Variants in MAN1C1 observed in about 807,000 individuals in gnomAD.
MAN1C1 encodes mannosidase alpha class 1C member 1.
A neutral mutation model predicts 71.5 loss-of-function variants in MAN1C1; 49 were observed. The observed-to-expected ratio is 0.69, with a 90% CI of 0.54 to 0.87. The LOEUF is 0.87. Among genes scored for constraint, MAN1C1 ranks in the 40% least tolerant of loss-of-function variants. The probability of loss-of-function intolerance (pLI) is 0.00; values close to 1 mark genes in which losing one functional copy is unlikely to be tolerated. For synonymous variants in MAN1C1, 352 were observed against 343.7 expected (o/e 1.02, Z -0.27); for missense variants, 743 against 835.0 (o/e 0.89, Z 1.36).
In MAN1C1 at chr1:25,769,223, TC is replaced by T. The variant is rs2047511898; in HGVS notation, c.1142-2430del. Among the ~76,000 whole-genome samples, 1 of 138,456 alleles carries T rather than the reference TC, an allele frequency of 7.2e-6. No homozygotes were observed. 90.8% of individuals were successfully genotyped at this position (138,456 alleles called of 152,430 possible). On this transcript the variant is annotated intron_variant, in intron 7 of 11. Transcript: ENST00000374332. This position sits in a 1 kb window ranked among gnomAD's most constrained non-coding sequence, Gnocchi z 4.8. ...CACACACCCCACACACTACACATAG[TC>T]CCCTCATACACTACACACCACACTC...
intron 1 of MAN1C1, among the ~76,000 whole-genome samples, chr1:25,653,735 C>A (rs2045724772): frequency 6.6e-6 from 1 of 152,176 alleles, no homozygotes; most frequent in South Asian, 2.1e-4. Context: ...TGCTGAGTAG[C>A]CCAGCTCTTC....
At chr1:25,686,233 G>A (rs1482058861) in intron 1 of MAN1C1, among the ~76,000 whole-genome samples, 2 of 152,190 alleles carry the variant, frequency 1.3e-5, no homozygotes, top group Admixed American at 1.3e-4. Flanking sequence ...CTAGACACAT[G>A]GCGTTGTCTA....
intron 2 of MAN1C1, among the ~76,000 whole-genome samples, chr1:25,690,345 T>C (rs911841928): frequency 6.3e-5 from 9 of 142,352 alleles, no homozygotes; most frequent in Non-Finnish European, 1.2e-4. Context: ...CAGGCTGGAG[T>C]GCAGTAGTGC....
In MAN1C1 at chr1:25,782,586, C is replaced by T. The variant is rs201050058; in HGVS notation, c.1652C>T (p.Ala551Val). 6.2e-7 allele frequency: 1 copy of T among 1,611,488 alleles called. No individual in the cohort carries two copies. The highest frequency in any genetic ancestry group is 1.1e-5 in the South Asian group (1 of 91,030). The change falls in exon 11 of 12, where the codon GCC (alanine) becomes GTC (valine). Residue 551 changes from alanine (A) to valine (V), a missense_variant and splice_region_variant. By Grantham distance (64) the Ala-to-Val change is moderately conservative. Coordinates refer to ENST00000374332, the MANE Select transcript of MAN1C1 (RefSeq NM_020379.4). This position sits in a 1 kb window ranked among gnomAD's most constrained non-coding sequence, Gnocchi z 4.4. The stretch of plus-strand genomic sequence containing the variant: ...CCTCCTCCTCTTCCCCTTCCTCAGG[C>T]CTTGGAGAAATACTGTCGGACAGAA... ...YREWGWEVVLALEKYCRTEAG... is the reference protein window; with the variant it reads ...YREWGWEVVLVLEKYCRTEAG...
intron 1 of MAN1C1, among the ~76,000 whole-genome samples, chr1:25,653,499 T>G (rs2045721576): frequency 6.6e-6 from 1 of 152,224 alleles, no homozygotes; most frequent in Admixed American, 6.5e-5. Flanking sequence ...CTAAGCCAAA[T>G]TAGGTGTCTT....
intron 1 of MAN1C1, among the ~76,000 whole-genome samples, chr1:25,667,738 T>C (rs1362204449): frequency 3.3e-5 from 5 of 152,178 alleles, no homozygotes; most frequent in East Asian, 1.9e-4. Context: ...AGCTCAGCAG[T>C]GTCAAAGACA....
rs114053954 is a variant in MAN1C1, at chr1:25,735,874, G to A, written c.638-10794G>A. ...CCTGTGGCAAGTCTCATGGCCAAAC[G>A]TAAGATCAAGGGCAGAGTTTAATTC... On this transcript the variant is annotated intron_variant, in intron 2 of 11. Coordinates refer to ENST00000374332, the MANE Select transcript of MAN1C1 (RefSeq NM_020379.4). The surrounding 1 kb of genome is among the most constrained non-coding windows in gnomAD (Gnocchi z 4.6). Among the ~76,000 whole-genome samples, 25 of 152,312 alleles carry A rather than the reference G, an allele frequency of 1.6e-4. No individual in the cohort carries two copies. Among genetic ancestry groups the A allele is most frequent in the African/African-American group, 5.1e-4 (21 of 41,554 alleles).
Position 25,730,368 on chromosome 1 carries a change from C to CAT in MAN1C1, c.638-16295_638-16294dup, listed in dbSNP as rs1329593637. Among the ~76,000 whole-genome samples, 2 of 151,990 alleles carry CAT rather than the reference C, an allele frequency of 1.3e-5. No homozygotes were observed. The highest frequency in any genetic ancestry group is 2.9e-5 in the Non-Finnish European group (2 of 67,980). On this transcript the variant is annotated intron_variant, in intron 2 of 11. Transcript: ENST00000374332. This position sits in a 1 kb window ranked among gnomAD's most constrained non-coding sequence, Gnocchi z 4.3. ...CTGTGAATTGACAAAAATGGATTAC[C>CAT]ATATATTTCTGAAAGCCACACTGCC... is the stretch of plus-strand genomic sequence containing the variant.
At chr1:25,696,578 G>T (rs1400420079) in intron 2 of MAN1C1, among the ~76,000 whole-genome samples, 2 of 152,090 alleles carry the variant, frequency 1.3e-5, no homozygotes, top group Admixed American at 6.5e-5. Flanking sequence ...CACCCTAAAA[G>T]GTTCTCTCAG....
At chr1:25,743,602 G>A (rs1240863799) in intron 2 of MAN1C1, among the ~76,000 whole-genome samples, 1 of 152,212 alleles carries the variant, frequency 6.6e-6, no homozygotes, top group Non-Finnish European at 1.5e-5. Flanking sequence ...AAGGATTCAG[G>A]AGCCTGAGAG....
chr1:25,719,544 C>A (rs1349456532), intron 2 of MAN1C1, among the ~76,000 whole-genome samples: 1 of 151,984 alleles, frequency 6.6e-6, no homozygotes, highest in Non-Finnish European at 1.5e-5. Context: ...CCCACCTCAG[C>A]CTCCTGAGTA....
chr1:25,762,122 CTTTTCTTTTTTTTTTT>C, intron 6 of MAN1C1, among the ~76,000 whole-genome samples: 1 of 121,404 alleles, frequency 8.2e-6, no homozygotes, highest in East Asian at 2.4e-4. Context: ...CTTTTCTTTT[CTTTTCTTTTTTTTTTT>C]TTTTTTGAGG....
At chr1:25,618,398 C>T (rs567921855) in intron 1 of MAN1C1, 61 bp downstream of exon 1, 2 of 1,484,616 alleles carry the variant, frequency 1.3e-6, no homozygotes, top group East Asian at 2.5e-5. Context: ...AGAAGACCCT[C>T]TGGCGCTCCC....
intron 7 of MAN1C1, among the ~76,000 whole-genome samples, chr1:25,765,908 C>G (rs1044216777): frequency 6.6e-6 from 1 of 152,148 alleles, no homozygotes; most frequent in African/African-American, 2.4e-5. Flanking sequence ...CTGCCGAATC[C>G]AAAAGTACGG....
At position 25,778,224 on chromosome 1, in the gene MAN1C1, C is replaced by A. The variant is rs759107191; in HGVS notation, c.1377C>A (p.Ile459=). The A allele has an allele frequency of 6.2e-7, 1 of 1,614,002 alleles. No individual in the cohort carries two copies. Among genetic ancestry groups the A allele is most frequent in the Non-Finnish European group, 8.5e-7 (1 of 1,179,946 alleles). Residue 459 remains isoleucine (I), a synonymous_variant, in exon 9 of 12, where the codon ATC becomes ATA. Transcript: ENST00000374332. This position sits in a 1 kb window ranked among gnomAD's most constrained non-coding sequence, Gnocchi z 5.5. ...GHLACFSGGM[I]ALGAEDAKEE... The stretch of plus-strand genomic sequence containing the variant: ...TGGCCTGTTTCTCCGGGGGCATGAT[C>A]GCCCTTGGCGCCGAGGATGCCAAGG...
At chr1:25,734,042 G>T (rs888960857) in intron 2 of MAN1C1, among the ~76,000 whole-genome samples, 1 of 151,886 alleles carries the variant, frequency 6.6e-6, no homozygotes, top group African/African-American at 2.4e-5. Context: ...CTCGTGATCC[G>T]CCCACCTCGG....
chr1:25,643,535 T>C (rs1266626419), intron 1 of MAN1C1, among the ~76,000 whole-genome samples: 1 of 145,014 alleles, frequency 6.9e-6, no homozygotes, highest in Non-Finnish European at 1.5e-5. Flanking sequence ...CCTCCCCAAG[T>C]GTTGGGATTA....
intron 1 of MAN1C1, among the ~76,000 whole-genome samples, chr1:25,620,698 G>A (rs976001747): frequency 1.3e-5 from 2 of 152,102 alleles, no homozygotes; most frequent in Non-Finnish European, 2.9e-5. Flanking sequence ...GCTGGCATCA[G>A]ATAAAAAAAG....
chr1:25,728,159 G>C (rs570020856), intron 2 of MAN1C1, among the ~76,000 whole-genome samples: 6 of 152,302 alleles, frequency 3.9e-5, no homozygotes, highest in African/African-American at 1.4e-4. Flanking sequence ...CCTGGAGTGA[G>C]AGTCCCCAGC....
Sources: allele counts gnomAD v4.1 joint callset (sites outside exome capture counted in the v4.1 genomes callset), GRCh38; gene constraint gnomAD v4.1.1; non-coding constraint Gnocchi (gnomAD v3.1); transcripts MANE v1.5; gene names NCBI Gene and HGNC (gene_info 2026-07-23, HGNC 2026-07-21).